The following KCNAB1 variants were observed in gnomAD, a reference collection of about 807,000 sequenced individuals.
KCNAB1 encodes potassium voltage-gated channel subfamily A regulatory beta subunit 1, also known as voltage-gated potassium channel subunit beta-1.
A neutral mutation model predicts 64.6 loss-of-function variants in KCNAB1; 35 were observed. The ratio of observed to expected loss-of-function variants is 0.54; its 90% confidence interval spans 0.41 to 0.72. KCNAB1 has a LOEUF of 0.72. KCNAB1 is among the 30% of genes least tolerant of loss of function. The probability of loss-of-function intolerance (pLI) is 0.00; values close to 1 mark genes in which losing one functional copy is unlikely to be tolerated. For missense variants in KCNAB1, 401 were observed against 512.9 expected, an observed-to-expected ratio of 0.78 and a Z score of 2.11; for synonymous variants, 177 against 183.8, an observed-to-expected ratio of 0.96 and a Z score of 0.30.
chr3:156,466,895 A>C (rs1014986957), intron 7 of KCNAB1, among the ~76,000 whole-genome samples: 2 of 152,086 alleles, frequency 1.3e-5, no homozygotes, highest in African/African-American at 4.8e-5. Context: ...TACTTTTTGC[A>C]GTAAAGAAAA....
chr3:156,278,385 G>A (rs181614599), intron 1 of KCNAB1, among the ~76,000 whole-genome samples: 2 of 152,250 alleles, frequency 1.3e-5, no homozygotes, highest in Admixed American at 1.3e-4. Flanking sequence ...AAATGTTTAT[G>A]TAACTCCACC....
chr3:156,172,009 C>T (rs1054194979), intron 1 of KCNAB1, among the ~76,000 whole-genome samples: 17 of 152,178 alleles, frequency 1.1e-4, no homozygotes, highest in Admixed American at 4.6e-4. Flanking sequence ...CTTCTAAATG[C>T]ATTTCAACTG....
At chr3:156,313,096 T>C (rs1360363163) in intron 1 of KCNAB1, among the ~76,000 whole-genome samples, 3 of 152,346 alleles carry the variant, frequency 2.0e-5, no homozygotes, top group East Asian at 3.9e-4. Context: ...ACAGCATTAG[T>C]AGCAAACAGC....
At chr3:156,119,750 G>A (rs1713235026), upstream of KCNAB1, among the ~76,000 whole-genome samples, 1 of 151,968 alleles carries the variant, frequency 6.6e-6, no homozygotes, top group Admixed American at 6.6e-5. Context: ...GTGTGTGTGG[G>A]TCAACCCCAT....
intron 1 of KCNAB1, among the ~76,000 whole-genome samples, chr3:156,202,957 G>A (rs201371759): frequency 7.3e-6 from 1 of 137,274 alleles, no homozygotes. Flanking sequence ...AATTGTATTT[G>A]TAGTTTTTAC....
chr3:156,204,112 A>G (rs1714507344), intron 1 of KCNAB1, among the ~76,000 whole-genome samples: 1 of 152,228 alleles, frequency 6.6e-6, no homozygotes, highest in Non-Finnish European at 1.5e-5. Context: ...GAAGACAGCT[A>G]TTGTTTATTT....
At chr3:156,503,569 C>T (rs1364768985) in intron 8 of KCNAB1, among the ~76,000 whole-genome samples, 1 of 152,170 alleles carries the variant, frequency 6.6e-6, no homozygotes, top group Non-Finnish European at 1.5e-5. Context: ...GGAGAAATCA[C>T]AGCAAGGTCA....
At chr3:156,119,119 A>G (rs1713209417), upstream of KCNAB1, among the ~76,000 whole-genome samples, 2 of 152,208 alleles carry the variant, frequency 1.3e-5, no homozygotes, top group African/African-American at 4.8e-5. Flanking sequence ...AAGAGCCCAC[A>G]TGGCTGTTAA....
intron 1 of KCNAB1, among the ~76,000 whole-genome samples, chr3:156,201,863 C>T (rs1478676018): frequency 6.6e-6 from 1 of 152,148 alleles, no homozygotes; most frequent in Non-Finnish European, 1.5e-5. Flanking sequence ...GGCTGCTTTG[C>T]TGGAGCATTC....
intron 1 of KCNAB1, among the ~76,000 whole-genome samples, chr3:156,153,848 C>T (rs2108298215): frequency 6.6e-6 from 1 of 152,334 alleles, no homozygotes; most frequent in African/African-American, 2.4e-5. Flanking sequence ...ACTATTGGCT[C>T]TCTTGCATCT....
chr3:156,481,699 C>G (rs1714818504), intron 8 of KCNAB1, among the ~76,000 whole-genome samples: 1 of 152,062 alleles, frequency 6.6e-6, no homozygotes. Flanking sequence ...CTCATTGGAA[C>G]AATATTTCTG....
intron 1 of KCNAB1, among the ~76,000 whole-genome samples, chr3:156,231,555 C>T (rs899095834): frequency 1.4e-5 from 2 of 143,984 alleles, no homozygotes; most frequent in Admixed American, 7.3e-5. Context: ...TCCCTCCTTC[C>T]TTCCTTCCTT....
chr3:156,271,407 T>G (rs889862093), intron 1 of KCNAB1, among the ~76,000 whole-genome samples: 8 of 152,348 alleles, frequency 5.3e-5, no homozygotes, highest in Non-Finnish European at 1.0e-4. Flanking sequence ...TGACTGTGTA[T>G]TTTTAAATAG....
chr3:156,225,283 G>A (rs1218897448), intron 1 of KCNAB1, among the ~76,000 whole-genome samples: 1 of 152,160 alleles, frequency 6.6e-6, no homozygotes, highest in Non-Finnish European at 1.5e-5. Flanking sequence ...GTAAATAAAT[G>A]TGAAACACCA....
intron 2 of KCNAB1, among the ~76,000 whole-genome samples, chr3:156,424,248 A>G (rs1715668315): frequency 1.3e-5 from 2 of 152,196 alleles, no homozygotes; most frequent in South Asian, 2.1e-4. Context: ...GTCAGCAACT[A>G]CAACATGAGG....
intron 8 of KCNAB1, among the ~76,000 whole-genome samples, chr3:156,498,099 C>T (rs1204658532): frequency 6.6e-6 from 1 of 152,090 alleles, no homozygotes; most frequent in Non-Finnish European, 1.5e-5. Context: ...TATAGTGAAG[C>T]TTGGGTGAAA....
intron 1 of KCNAB1, among the ~76,000 whole-genome samples, chr3:156,308,789 T>C (rs1165261174): frequency 8.5e-5 from 13 of 152,220 alleles, no homozygotes; most frequent in Admixed American, 8.5e-4. Context: ...TTTTATCATG[T>C]TAATGTTAGA....
At chr3:156,511,038 C>G (rs1717172140) in intron 8 of KCNAB1, among the ~76,000 whole-genome samples, 1 of 152,162 alleles carries the variant, frequency 6.6e-6, no homozygotes, top group Non-Finnish European at 1.5e-5. Context: ...ACACCTCTGG[C>G]CCAGATTGCT....
At chr3:156,441,951 G>C (rs1717033509) in intron 2 of KCNAB1, among the ~76,000 whole-genome samples, 1 of 152,050 alleles carries the variant, frequency 6.6e-6, no homozygotes. Flanking sequence ...CTAGTAACAA[G>C]AATATTTTTT....
Sources: gnomAD v4.1 joint callset for allele counts (sites outside exome capture counted in the v4.1 genomes callset) on GRCh38, gnomAD v4.1.1 for gene constraint, MANE v1.5 for transcripts, NCBI Gene and HGNC (gene_info 2026-07-23, HGNC 2026-07-21) for gene names.